Variants in CSMD1 observed in about 807,000 individuals in gnomAD.
CSMD1 encodes the protein CUB and Sushi multiple domains 1, also known as CUB and sushi domain-containing protein 1.
Under a neutral mutation model 417.5 loss-of-function variants are expected in CSMD1, and 213 were observed. The observed-to-expected ratio is 0.51, with a 90% CI of 0.46 to 0.57. The LOEUF (loss-of-function observed/expected upper bound fraction) is 0.57. Ranked by LOEUF, CSMD1 falls within the 20% of genes least tolerant of loss-of-function variation. The pLI, the probability that CSMD1 is intolerant of heterozygous loss-of-function variation, is 0.00. For missense variants in CSMD1, 6,923 were observed against 4,529.7 expected (o/e 1.53, Z -15.17); for synonymous variants, 2,862 against 1,736.8 (o/e 1.65, Z -16.11).
At chr8:3,949,036 C>T (rs1811429186) in intron 5 of CSMD1, among the ~76,000 whole-genome samples, 1 of 151,956 alleles carries the variant, frequency 6.6e-6, no homozygotes, top group African/African-American at 2.4e-5. Context: ...TTTTCTAATT[C>T]ATGAGTGTGA....
chr8:3,339,545 G>A lies in CSMD1; in HGVS notation c.3631+3749C>T, dbSNP rs540879715. Among the ~76,000 whole-genome samples, 8 of 152,220 alleles carry A rather than the reference G, an allele frequency of 5.3e-5. No individual in the cohort carries two copies. The South Asian group carries it at 1.0e-3, about 20-fold the overall frequency. The stretch of plus-strand genomic sequence containing the variant: ...ACTTTAACATCAGAATGCCAGTTCC[G>A]TAATTTGAAATAATTGACGAAGCTG... On this transcript the variant is annotated intron_variant, in intron 23 of 69. Coordinates refer to ENST00000635120, the MANE Select transcript of CSMD1 (RefSeq NM_033225.6).
At chr8:4,461,557 G>T (rs1799820262) in intron 2 of CSMD1, among the ~76,000 whole-genome samples, 1 of 150,148 alleles carries the variant, frequency 6.7e-6, no homozygotes, top group African/African-American at 2.5e-5. Context: ...TTGGTGGGTG[G>T]GGGTGGGGTG....
At chr8:3,340,482 C>G (rs1807576008) in intron 23 of CSMD1, among the ~76,000 whole-genome samples, 1 of 152,048 alleles carries the variant, frequency 6.6e-6, no homozygotes, top group Non-Finnish European at 1.5e-5. Flanking sequence ...CATTTAAATA[C>G]TAATGTTTCC....
At position 3,777,547 on chromosome 8, in the gene CSMD1, T is replaced by A. The variant is rs537017784; in HGVS notation, c.819-23505A>T. Among the ~76,000 whole-genome samples, 62 of 152,274 alleles carry A rather than the reference T, an allele frequency of 4.1e-4. No individual in the cohort carries two copies. In the South Asian group the frequency reaches 6.8e-3, roughly 17 times the overall value. On this transcript the variant is annotated intron_variant, in intron 5 of 69. Transcript: ENST00000635120. ...TCCTACAGGACGGAGGGCTTTCTCCTCCAGGCTCCCTCTAGTCCACAGGAG... is the reference window on the plus strand; with the variant it reads ...TCCTACAGGACGGAGGGCTTTCTCCACCAGGCTCCCTCTAGTCCACAGGAG...
At chr8:4,899,330 G>A (rs1164407806) in intron 1 of CSMD1, among the ~76,000 whole-genome samples, 2 of 52,694 alleles carry the variant, frequency 3.8e-5, no homozygotes, top group Admixed American at 2.5e-4. Flanking sequence ...AAATTGAAGT[G>A]GCATACACTA....
chr8:3,671,796 G>A (rs1035379255), intron 7 of CSMD1, among the ~76,000 whole-genome samples: 2 of 151,688 alleles, frequency 1.3e-5, no homozygotes, highest in African/African-American at 2.4e-5. Context: ...GAGCAGCCCT[G>A]GGCTTGGAGC....
chr8:4,383,841 T>C (rs550153763), intron 3 of CSMD1, among the ~76,000 whole-genome samples: 3 of 152,214 alleles, frequency 2.0e-5, no homozygotes, highest in Admixed American at 1.3e-4. Context: ...TTGAAAATAA[T>C]AACATGGAAA....
At chr8:3,250,858 CTTCT>C (rs1800205599) in intron 26 of CSMD1, among the ~76,000 whole-genome samples, 1 of 152,168 alleles carries the variant, frequency 6.6e-6, no homozygotes, top group South Asian at 2.1e-4. Context: ...GCATAAATGT[CTTCT>C]TTTGAGAAGT....
chr8:4,148,811 A>G (rs767798813), intron 3 of CSMD1, among the ~76,000 whole-genome samples: 17 of 152,144 alleles, frequency 1.1e-4, no homozygotes, highest in Non-Finnish European at 1.9e-4. Context: ...AAGGGATGTC[A>G]TGATTCAGTC....
At chr8:3,697,847 T>C (rs1421697880) in intron 7 of CSMD1, among the ~76,000 whole-genome samples, 1 of 152,200 alleles carries the variant, frequency 6.6e-6, no homozygotes, top group East Asian at 1.9e-4. Context: ...AGGTTGTTTC[T>C]CATTCACTAT....
intron 7 of CSMD1, among the ~76,000 whole-genome samples, chr8:3,685,665 T>G (rs573414584): frequency 6.6e-6 from 1 of 152,312 alleles, no homozygotes; most frequent in South Asian, 2.1e-4. Flanking sequence ...GGTGCTTTTC[T>G]GAGGAAGGAA....
intron 3 of CSMD1, among the ~76,000 whole-genome samples, chr8:4,081,749 T>C (rs1339315813): frequency 6.6e-6 from 1 of 152,210 alleles, no homozygotes. Flanking sequence ...ACAAGAGTAT[T>C]TTTTAAAGAC....
intron 2 of CSMD1, among the ~76,000 whole-genome samples, chr8:4,633,923 G>A (rs1046732610): frequency 1.3e-5 from 2 of 151,308 alleles, no homozygotes; most frequent in African/African-American, 4.9e-5. Flanking sequence ...CCTTACTGGA[G>A]ACTGGGAAGC....
intron 3 of CSMD1, among the ~76,000 whole-genome samples, chr8:4,125,801 A>T (rs934111793): frequency 6.6e-6 from 1 of 152,178 alleles, no homozygotes; most frequent in Non-Finnish European, 1.5e-5. Context: ...TGATCAATTG[A>T]TAACAGCCCA....
chr8:3,886,465 T>C lies in CSMD1; in HGVS notation c.818+111438A>G, dbSNP rs528355696. Reference sequence around the variant, plus strand: ...TCTTTACAAGGCCAGATAATAAATATTTTGGTTTTGTCAGCCATACGGTCT... The same window carrying C: ...TCTTTACAAGGCCAGATAATAAATACTTTGGTTTTGTCAGCCATACGGTCT... On this transcript the variant is annotated intron_variant, in intron 5 of 69. Transcript: ENST00000635120. 6.6e-5 allele frequency among the ~76,000 whole-genome samples: 10 copies of C among 152,336 alleles called. No homozygotes were observed. The East Asian group carries it at 1.9e-3, about 29-fold the overall frequency.
At chr8:3,631,909 A>G (rs1199776983) in intron 7 of CSMD1, among the ~76,000 whole-genome samples, 1 of 152,208 alleles carries the variant, frequency 6.6e-6, no homozygotes. Flanking sequence ...AGACTGACGA[A>G]GCAAAACCCC....
At chr8:4,444,090 C>G (rs533095518) in intron 2 of CSMD1, among the ~76,000 whole-genome samples, 4 of 152,036 alleles carry the variant, frequency 2.6e-5, no homozygotes, top group South Asian at 4.2e-4. Context: ...GCCTGTAACC[C>G]CAGCACTTTG....
chr8:4,772,687 T>A (rs922856858), intron 1 of CSMD1, among the ~76,000 whole-genome samples: 2 of 152,150 alleles, frequency 1.3e-5, no homozygotes, highest in African/African-American at 4.8e-5. Flanking sequence ...AATGTATCTG[T>A]GAAAGGATGT....
At chr8:3,387,335 G>T (rs560599862) in intron 18 of CSMD1, among the ~76,000 whole-genome samples, 159 bp downstream of exon 18, 127 of 152,156 alleles carry the variant, frequency 8.3e-4, no homozygotes, top group Non-Finnish European at 1.6e-3. Flanking sequence ...AACTTCAAAT[G>T]ATCGGGAATG....
Sources: allele counts gnomAD v4.1 joint callset (sites outside exome capture counted in the v4.1 genomes callset), GRCh38; gene constraint gnomAD v4.1.1; transcripts MANE v1.5; gene names NCBI Gene and HGNC (gene_info 2026-07-23, HGNC 2026-07-21).